Variants in CD96 observed in about 807,000 individuals in gnomAD.
CD96 encodes T-cell surface protein tactile.
Under a neutral mutation model 71.3 loss-of-function variants are expected in CD96, and 70 were observed. That is an observed-to-expected ratio of 0.98 (90% CI 0.81 to 1.20). The LOEUF is 1.20. Among genes scored for constraint, CD96 ranks in the 50% most tolerant of loss-of-function variants. The probability of loss-of-function intolerance (pLI) is 0.00; values close to 1 mark genes in which losing one functional copy is unlikely to be tolerated. For missense variants in CD96, 742 were observed against 677.5 expected, an observed-to-expected ratio of 1.10 and a Z score of -1.06; for synonymous variants, 248 against 233.0, an observed-to-expected ratio of 1.06 and a Z score of -0.59.
intron 12 of CD96, among the ~76,000 whole-genome samples, chr3:111,643,819 G>T (rs1368139106): frequency 1.3e-5 from 2 of 151,414 alleles, no homozygotes; most frequent in African/African-American, 2.4e-5. Context: ...ACAAAACACT[G>T]CTGAGATAAA....
At chr3:111,550,321 C>T (rs1427778367) in intron 2 of CD96, among the ~76,000 whole-genome samples, 2 of 151,918 alleles carry the variant, frequency 1.3e-5, no homozygotes, top group African/African-American at 4.8e-5. Flanking sequence ...GGGGACAGCA[C>T]ATTGATATGA....
chr3:111,614,729 C>G (rs895837003), intron 8 of CD96, among the ~76,000 whole-genome samples: 13 of 152,188 alleles, frequency 8.5e-5, no homozygotes, highest in Admixed American at 3.3e-4. Flanking sequence ...TTCTCCATGC[C>G]CATTCAGAGC....
chr3:111,579,629 G>A (rs1936378748), intron 4 of CD96, among the ~76,000 whole-genome samples: 1 of 152,118 alleles, frequency 6.6e-6, no homozygotes, highest in African/African-American at 2.4e-5. Flanking sequence ...GAATCCCAAG[G>A]TGGCACACGG....
In CD96 at chr3:111,585,304, T is replaced by C. The variant is rs1282595339; in HGVS notation, c.752-19T>C. On this transcript the variant is annotated intron_variant, in intron 4 of 13. Transcript: ENST00000352690. ...GGATGACATTTGGTGCCACTAACTA[T>C]GTTTTATTTGCCTTTAAGCTAAACC... is the stretch of plus-strand genomic sequence containing the variant. 1.3e-6 allele frequency: 2 copies of C among 1,577,958 alleles called. No homozygotes were observed. The highest frequency in any genetic ancestry group is 1.1e-5 in the South Asian group (1 of 90,320).
chr3:111,544,608 A>G (rs553267379), intron 1 of CD96, among the ~76,000 whole-genome samples: 2 of 152,248 alleles, frequency 1.3e-5, no homozygotes, highest in Non-Finnish European at 2.9e-5. Context: ...CTATACACAT[A>G]TCATTTATTT....
At chr3:111,553,107 C>T (rs1040976427) in intron 2 of CD96, among the ~76,000 whole-genome samples, 6 of 147,952 alleles carry the variant, frequency 4.1e-5, no homozygotes, top group Non-Finnish European at 7.4e-5. Flanking sequence ...AATCTACCAC[C>T]AAAACTAAAA....
At chr3:111,581,241 G>T (rs561261070) in intron 4 of CD96, among the ~76,000 whole-genome samples, 6 of 151,984 alleles carry the variant, frequency 3.9e-5, no homozygotes, top group Non-Finnish European at 5.9e-5. Context: ...CCTGGTTTTT[G>T]CATTTAGTAA....
intron 10 of CD96, 45 bp downstream of exon 10, chr3:111,624,449 A>G (rs761107236): frequency 9.5e-7 from 1 of 1,057,786 alleles, no homozygotes; most frequent in Non-Finnish European, 1.5e-6. Context: ...GACTTCAGTC[A>G]TTCATCCGAC....
chr3:111,640,221 G>T (rs1361059712), intron 12 of CD96, among the ~76,000 whole-genome samples: 2 of 151,484 alleles, frequency 1.3e-5, no homozygotes, highest in African/African-American at 4.8e-5. Context: ...CCAATCCAAA[G>T]AAATCCAAAA....
At chr3:111,558,074 T>A in intron 2 of CD96, among the ~76,000 whole-genome samples, 1 of 148,798 alleles carries the variant, frequency 6.7e-6, no homozygotes, top group Non-Finnish European at 1.5e-5. Flanking sequence ...GAGACTTTGC[T>A]GAAGTTGCTT....
chr3:111,616,602 T>C (rs1032592052), intron 8 of CD96, among the ~76,000 whole-genome samples: 18 of 152,118 alleles, frequency 1.2e-4, no homozygotes, highest in Non-Finnish European at 2.1e-4. Context: ...GCTACCAGAA[T>C]GGAATAAATA....
chr3:111,641,098 A>G (rs920485676), intron 12 of CD96, among the ~76,000 whole-genome samples: 1 of 152,224 alleles, frequency 6.6e-6, no homozygotes, highest in Non-Finnish European at 1.5e-5. Flanking sequence ...AAAAATCCAA[A>G]GTACACAGAT....
chr3:111,610,952 G>C (rs7431417), intron 8 of CD96, among the ~76,000 whole-genome samples: 7,118 of 152,242 alleles, frequency 0.047, 199 homozygotes, highest in South Asian at 0.07. Context: ...ATGTGTCAGG[G>C]ACTTTTGAGG....
At position 111,638,183 on chromosome 3, in the gene CD96, C is replaced by T. The variant is rs1429778951; in HGVS notation, c.1477+15C>T. The T allele has an allele frequency of 1.4e-6, 2 of 1,472,978 alleles. No individual in the cohort carries two copies. The highest frequency in any genetic ancestry group is 9.5e-7 in the Non-Finnish European group (1 of 1,051,462). The allele number at this position is 1,472,978 out of a possible 1,614,324, so 91.2% of individuals were successfully genotyped here. A position where few individuals can be genotyped will look rare whatever the true frequency, so the allele number is the denominator to read the frequency against. On this transcript the variant is annotated intron_variant, in intron 12 of 13. Coordinates refer to ENST00000352690, the MANE Select transcript of CD96 (RefSeq NM_005816.5). ...CCATATCACTGGTAAGTCATTTATC[C>T]TATTTTGGGGGATTTTATGCTTTAT...
intron 1 of CD96, among the ~76,000 whole-genome samples, chr3:111,544,333 C>T (rs1197073332): frequency 3.9e-5 from 6 of 151,984 alleles, no homozygotes; most frequent in Admixed American, 2.0e-4. Context: ...TTAGTAGAGA[C>T]GGGGTTTTGC....
Position 111,651,947 on chromosome 3 carries a change from A to G in CD96, c.*2141A>G, listed in dbSNP as rs1032415582. 2.0e-5 allele frequency: 3 copies of G among 152,060 alleles called. No individual in the cohort carries two copies. The highest frequency in any genetic ancestry group is 7.2e-5 in the African/African-American group (3 of 41,422). The allele number at this position is 152,060 out of a possible 1,614,324, so 9.4% of individuals were successfully genotyped here. On this transcript the variant is annotated 3_prime_UTR_variant, in exon 14 of 14. Transcript: ENST00000352690. ...AATCTACCTGTCAAGGAACTAAGGT[A>G]TTTTGCTAACAAGCACCAACTTGCC...
chr3:111,649,816 A>T lies in CD96; in HGVS notation c.*10A>T. The T allele has an allele frequency of 6.6e-7, 1 of 1,517,656 alleles. No individual in the cohort carries two copies. Among genetic ancestry groups the T allele is most frequent in the Non-Finnish European group, 9.2e-7 (1 of 1,091,976 alleles). The allele number at this position is 1,517,656 out of a possible 1,614,324, so 94.0% of individuals were successfully genotyped here. Reference sequence around the variant, plus strand: ...GATGGAGACCCTCTAGTCTCGTGAGACTTTGCCCCATGGCAGAACTCTGCT... The same window carrying T: ...GATGGAGACCCTCTAGTCTCGTGAGTCTTTGCCCCATGGCAGAACTCTGCT... On this transcript the variant is annotated 3_prime_UTR_variant, in exon 14 of 14. Coordinates refer to ENST00000352690, the MANE Select transcript of CD96 (RefSeq NM_005816.5).
intron 12 of CD96, among the ~76,000 whole-genome samples, chr3:111,640,295 A>T (rs1288972212): frequency 1.3e-5 from 2 of 152,216 alleles, no homozygotes; most frequent in African/African-American, 2.4e-5. Flanking sequence ...GAAAAAAAAC[A>T]ATCAAAAGTT....
chr3:111,636,414 G>A (rs1243102724), intron 10 of CD96, among the ~76,000 whole-genome samples: 4 of 152,206 alleles, frequency 2.6e-5, no homozygotes, highest in African/African-American at 9.7e-5. Flanking sequence ...TATTTTAAAT[G>A]AATGGATGTA....
Sources: allele counts gnomAD v4.1 joint callset (sites outside exome capture counted in the v4.1 genomes callset), GRCh38; gene constraint gnomAD v4.1.1; transcripts MANE v1.5; gene names NCBI Gene and HGNC (gene_info 2026-07-23, HGNC 2026-07-21).